Variants in SEL1L2 observed in about 807,000 individuals in gnomAD.
SEL1L2 encodes SEL1L2 adaptor subunit of SYVN1 ubiquitin ligase, also known as protein sel-1 homolog 2.
A neutral mutation model predicts 98.8 loss-of-function variants in SEL1L2; 89 were observed. The observed-to-expected ratio is 0.90, with a 90% CI of 0.76 to 1.07. The LOEUF is 1.07. SEL1L2 is among the 50% of genes least tolerant of loss of function. The pLI is 0.00. For synonymous variants in SEL1L2, 262 were observed against 278.5 expected, an observed-to-expected ratio of 0.94 and a Z score of 0.59; for missense variants, 788 against 812.0, an observed-to-expected ratio of 0.97 and a Z score of 0.36.
At chr20:13,984,540 ATAGTT>A (rs2052049382) in intron 1 of SEL1L2, among the ~76,000 whole-genome samples, 1 of 152,038 alleles carries the variant, frequency 6.6e-6, no homozygotes, top group South Asian at 2.1e-4. Context: ...TGCTGTTGCT[ATAGTT>A]TAAGTCTTCA....
At chr20:13,958,662 C>A (rs907958302) in intron 1 of SEL1L2, among the ~76,000 whole-genome samples, 3 of 151,940 alleles carry the variant, frequency 2.0e-5, no homozygotes, top group Non-Finnish European at 4.4e-5. Flanking sequence ...GAGGTCTGGG[C>A]GCGGTGGCTC....
intron 17 of SEL1L2, among the ~76,000 whole-genome samples, chr20:13,862,293 A>C (rs151293022): frequency 4.9e-4 from 74 of 152,328 alleles, no homozygotes; most frequent in African/African-American, 1.7e-3. Context: ...TTTGAAGTCC[A>C]CTTAGGGATG....
At chr20:13,882,103 A>G (rs746159294) in intron 10 of SEL1L2, among the ~76,000 whole-genome samples, 9 of 152,210 alleles carry the variant, frequency 5.9e-5, no homozygotes, top group Non-Finnish European at 1.2e-4. Flanking sequence ...TACAATTATT[A>G]TGAGTCAATT....
At chr20:13,883,203 C>A (rs2046796702) in intron 10 of SEL1L2, among the ~76,000 whole-genome samples, 1 of 152,152 alleles carries the variant, frequency 6.6e-6, no homozygotes. Flanking sequence ...AAGAAAGGAC[C>A]AGCCTGTGCT....
At chr20:13,990,647 C>A (rs2052503654), upstream of SEL1L2, 1 of 776,984 alleles carries the variant, frequency 1.3e-6, no homozygotes, top group South Asian at 1.6e-5. Context: ...GCTAAGCAAC[C>A]ATTTCCTTAC....
chr20:13,869,630 A>T, intron 13 of SEL1L2, 40 bp from the exon 14 acceptor site: 1 of 1,504,618 alleles, frequency 6.6e-7, no homozygotes, highest in Non-Finnish European at 9.3e-7. Context: ...AGGCACAAGT[A>T]AAACTCCATG....
chr20:13,887,815 C>T lies in SEL1L2; in HGVS notation c.699G>A (p.Gln233=), dbSNP rs764372370. The change falls in exon 8 of 20, where the codon CAG becomes CAA. Residue 233 remains glutamine, a synonymous_variant. Transcript: ENST00000284951. ...YRYLSGINVL[Q]NCEVALSYYK... ...AATAACTTAGGGCAACTTCACAATT[C>T]TGTAGAACATTGATTCCCGACAAAT... 1 of 1,613,412 alleles carries T rather than the reference C, an allele frequency of 6.2e-7. No individual in the cohort carries two copies. The highest frequency in any genetic ancestry group is 2.2e-5 in the East Asian group (1 of 44,804).
intron 5 of SEL1L2, among the ~76,000 whole-genome samples, chr20:13,905,041 C>T (rs1286344578): frequency 3.3e-5 from 5 of 151,950 alleles, no homozygotes; most frequent in African/African-American, 9.7e-5. Flanking sequence ...TGGGGAGGGG[C>T]GTATTCCTCA....
intron 14 of SEL1L2, among the ~76,000 whole-genome samples, chr20:13,869,263 G>T (rs1179687787): frequency 1.3e-5 from 2 of 152,076 alleles, no homozygotes; most frequent in African/African-American, 4.8e-5. Flanking sequence ...ATGTGCACGG[G>T]ATATCGCTAG....
intron 5 of SEL1L2, among the ~76,000 whole-genome samples, chr20:13,902,521 G>A (rs905683742): frequency 2.6e-5 from 4 of 152,230 alleles, no homozygotes; most frequent in Admixed American, 2.6e-4. Flanking sequence ...TCATTTTGGT[G>A]CTTGATCATT....
At chr20:13,931,482 C>A in intron 3 of SEL1L2, 121 bp downstream of exon 3, 1 of 536,028 alleles carries the variant, frequency 1.9e-6, no homozygotes, top group Non-Finnish European at 2.8e-6. Flanking sequence ...GAATTTAATG[C>A]TTTTGTGTGT....
At chr20:13,960,075 T>A (rs1269640850) in intron 1 of SEL1L2, among the ~76,000 whole-genome samples, 1 of 152,226 alleles carries the variant, frequency 6.6e-6, no homozygotes, top group Non-Finnish European at 1.5e-5. Context: ...TCACATAAAA[T>A]GTCTAGCAGT....
rs183268108 is a variant in SEL1L2 at position 13,870,254 on chromosome 20, G to A, written c.1105-51C>T. The A allele has an allele frequency of 4.9e-6, 7 of 1,420,560 alleles. No homozygotes were observed. In the African/African-American group the frequency reaches 5.7e-5, roughly 12 times the overall value. The allele number at this position is 1,420,560 out of a possible 1,614,324, so 88.0% of individuals were successfully genotyped here. A position where few individuals can be genotyped will look rare whatever the true frequency, so the allele number is the denominator to read the frequency against. Reference sequence around the variant, plus strand: ...AAAGTCCCAGAAGAATTCATGATAAGGAAAATTACTGCAAAATTTTTCAAA... The same window carrying A: ...AAAGTCCCAGAAGAATTCATGATAAAGAAAATTACTGCAAAATTTTTCAAA... On this transcript the variant is annotated intron_variant, in intron 12 of 19. Coordinates refer to ENST00000284951, the MANE Select transcript of SEL1L2 (RefSeq NM_025229.2).
In SEL1L2 at chr20:13,855,111, AT is replaced by A. The variant is rs1327533302; in HGVS notation, c.1818+4150del. On this transcript the variant is annotated intron_variant, in intron 18 of 19. Coordinates refer to ENST00000284951, the MANE Select transcript of SEL1L2 (RefSeq NM_025229.2). ...TTGAGGGATTCCTAGAGGAGATGAC[AT>A]TGGAGCTGTTCTTTGAAAAATGGAC... Among the ~76,000 whole-genome samples the A allele has an allele frequency of 4.0e-5, 6 of 151,656 alleles. No individual in the cohort carries two copies. The East Asian group carries it at 9.7e-4, about 25-fold the overall frequency.
intron 19 of SEL1L2, 49 bp downstream of exon 19, chr20:13,850,142 G>T (rs1293931776): frequency 2.5e-6 from 4 of 1,607,606 alleles, no homozygotes; most frequent in East Asian, 2.2e-5. Context: ...CCTAAGAGTT[G>T]CTCACTGGAG....
intron 11 of SEL1L2, among the ~76,000 whole-genome samples, chr20:13,876,609 C>G (rs1438506734): frequency 6.6e-6 from 1 of 152,062 alleles, no homozygotes; most frequent in African/African-American, 2.4e-5. Flanking sequence ...CCACAGGAGG[C>G]CTCTCATCAG....
At chr20:13,968,819 A>G (rs1301893771) in intron 1 of SEL1L2, among the ~76,000 whole-genome samples, 1 of 152,200 alleles carries the variant, frequency 6.6e-6, no homozygotes, top group Non-Finnish European at 1.5e-5. Context: ...AATTAACACT[A>G]CAATAGCTCG....
In SEL1L2 at chr20:13,887,844, T is replaced by G. The variant is rs1282971496; in HGVS notation, c.670A>C (p.Arg224=). 1 of 1,613,238 alleles carries G rather than the reference T, an allele frequency of 6.2e-7. No homozygotes were observed. Among genetic ancestry groups the G allele is most frequent in the Non-Finnish European group, 8.5e-7 (1 of 1,179,342 alleles). ...NMMSQMILGY[R]YLSGINVLQN... is the part of the protein sequence containing the mutation. The stretch of plus-strand genomic sequence containing the variant: ...AGAACATTGATTCCCGACAAATATC[T>G]GTACCCCTAAAACACAGACAGATGC... Residue 224 remains arginine, a synonymous_variant, in exon 8 of 20, where the codon AGA becomes CGA. Coordinates refer to ENST00000284951, the MANE Select transcript of SEL1L2 (RefSeq NM_025229.2).
At chr20:13,863,912 G>A (rs1336255222) in intron 17 of SEL1L2, among the ~76,000 whole-genome samples, 1 of 150,964 alleles carries the variant, frequency 6.6e-6, no homozygotes, top group East Asian at 1.9e-4. Flanking sequence ...GGAGGTTGCA[G>A]TGAGCCTAGA....
Sources: gnomAD v4.1 joint callset for allele counts (sites outside exome capture counted in the v4.1 genomes callset) on GRCh38, gnomAD v4.1.1 for gene constraint, MANE v1.5 for transcripts, NCBI Gene and HGNC (gene_info 2026-07-23, HGNC 2026-07-21) for gene names.